CFTR: variants seen among roughly 807,000 people sequenced by gnomAD.
The protein encoded by CFTR is cystic fibrosis transmembrane conductance regulator.
In CFTR, 181 loss-of-function variants were observed where a neutral mutation model predicts 171.6. The ratio of observed to expected loss-of-function variants is 1.05; its 90% confidence interval spans 0.93 to 1.19. The LOEUF (loss-of-function observed/expected upper bound fraction) is 1.19, where lower values mean the gene tolerates loss of function less well. Among genes scored for constraint, CFTR ranks in the 50% most tolerant of loss-of-function variants. The pLI, the probability that CFTR is intolerant of heterozygous loss-of-function variation, is 0.00. For missense variants in CFTR, 1,968 were observed against 1,734.7 expected, an observed-to-expected ratio of 1.13 and a Z score of -2.39; for synonymous variants, 583 against 608.0, an observed-to-expected ratio of 0.96 and a Z score of 0.60.
intron 4 of CFTR, among the ~76,000 whole-genome samples, chr7:117,533,887 T>C (rs1798903467): frequency 6.6e-6 from 1 of 152,192 alleles, no homozygotes; most frequent in South Asian, 2.1e-4. Flanking sequence ...AAAGAGTTAG[T>C]ATAGGACTAC....
At chr7:117,614,476 T>C in intron 20 of CFTR, 137 bp from the exon 21 acceptor site, 1 of 691,510 alleles carries the variant, frequency 1.4e-6, no homozygotes. Flanking sequence ...TGAACTGAGA[T>C]TTAAAAATTG....
At position 117,480,061 on chromosome 7, in the gene CFTR, C is replaced by A. The variant is rs756314710; in HGVS notation, c.-34C>A. ...TTGGCATTAGGAGCTTGAGCCCAGACGGCCCTAGCAGGGACCCCAGCGCCC... is the reference window on the plus strand; with the variant it reads ...TTGGCATTAGGAGCTTGAGCCCAGAAGGCCCTAGCAGGGACCCCAGCGCCC... On this transcript the variant is annotated 5_prime_UTR_variant, in exon 1 of 27. Transcript: ENST00000003084. 8.7e-6 allele frequency: 14 copies of A among 1,606,156 alleles called. No individual in the cohort carries two copies. The highest frequency in any genetic ancestry group is 1.0e-5 in the Non-Finnish European group (12 of 1,172,934).
intron 12 of CFTR, 35 bp downstream of exon 12, chr7:117,587,868 C>T: frequency 8.2e-7 from 1 of 1,215,094 alleles, no homozygotes; most frequent in Non-Finnish European, 1.2e-6. Flanking sequence ...CAAGCATTTG[C>T]TGTAAATGTC....
At chr7:117,563,646 A>G (rs1247274482) in intron 11 of CFTR, among the ~76,000 whole-genome samples, 2 of 152,204 alleles carry the variant, frequency 1.3e-5, no homozygotes, top group Admixed American at 1.3e-4. Context: ...GAATTGAGAC[A>G]TCTGATCAAG....
chr7:117,520,624 A>G (rs1044354909), intron 3 of CFTR, among the ~76,000 whole-genome samples: 8 of 151,924 alleles, frequency 5.3e-5, no homozygotes, highest in Non-Finnish European at 4.4e-5. Context: ...GACTTTTGAG[A>G]TAAATCAGTC....
At chr7:117,597,555 A>G (rs1055349907) in intron 15 of CFTR, among the ~76,000 whole-genome samples, 4 of 152,252 alleles carry the variant, frequency 2.6e-5, no homozygotes, top group Non-Finnish European at 5.9e-5. Context: ...ACCACCAATA[A>G]GCAAAATTGT....
intron 9 of CFTR, among the ~76,000 whole-genome samples, chr7:117,546,267 C>T (rs1359360761): frequency 6.6e-6 from 1 of 152,004 alleles, no homozygotes; most frequent in Non-Finnish European, 1.5e-5. Context: ...GCTGGGATTA[C>T]AGGTGTGAGC....
intron 4 of CFTR, among the ~76,000 whole-genome samples, chr7:117,531,881 CCTT>C (rs541137751): frequency 7.2e-5 from 11 of 152,140 alleles, no homozygotes; most frequent in Non-Finnish European, 1.3e-4. Flanking sequence ...ATTGCTTTAC[CCTT>C]CTTCTCTCTT....
chr7:117,660,540 G>T (rs997726448), intron 24 of CFTR, among the ~76,000 whole-genome samples: 1 of 152,026 alleles, frequency 6.6e-6, no homozygotes, highest in South Asian at 2.1e-4. Context: ...TGAGGCAGGA[G>T]AATTGTTTGA....
In CFTR at chr7:117,594,779, C is replaced by T. The variant is rs574222172; in HGVS notation, c.2491-151C>T. On this transcript the variant is annotated intron_variant, in intron 14 of 26. Coordinates refer to ENST00000003084, the MANE Select transcript of CFTR (RefSeq NM_000492.4). Reference sequence around the variant, plus strand: ...CATTATTCTGGCTATAGAATGACATCATACATGGCATTTATAATGATTTAT... The same window carrying T: ...CATTATTCTGGCTATAGAATGACATTATACATGGCATTTATAATGATTTAT... The T allele has an allele frequency of 1.6e-4, 108 of 678,798 alleles. 2 individuals carry two copies. In the South Asian group the frequency reaches 1.7e-3, roughly 11 times the overall value. The allele number at this position is 678,798 out of a possible 1,614,324, so 42.0% of individuals were successfully genotyped here.
At chr7:117,639,773 T>C (rs1792881956) in intron 22 of CFTR, among the ~76,000 whole-genome samples, 2 of 152,316 alleles carry the variant, frequency 1.3e-5, no homozygotes, top group East Asian at 3.9e-4. Context: ...ATTCAGTGGG[T>C]ATAAGCAGCA....
chr7:117,631,752 G>A (rs564303389), intron 22 of CFTR, among the ~76,000 whole-genome samples: 13 of 152,228 alleles, frequency 8.5e-5, no homozygotes, highest in African/African-American at 2.9e-4. Flanking sequence ...TAATAAACTG[G>A]TAACCTAGTA....
intron 24 of CFTR, among the ~76,000 whole-genome samples, chr7:117,654,965 T>A (rs1319855662): frequency 6.6e-6 from 1 of 152,196 alleles, no homozygotes. Context: ...GGAGTCATTC[T>A]TCCATTGTCT....
At chr7:117,547,927 C>T (rs35784120) in intron 9 of CFTR, among the ~76,000 whole-genome samples, 100 of 152,284 alleles carry the variant, frequency 6.6e-4, no homozygotes, top group African/African-American at 2.3e-3. Flanking sequence ...CAAGGTGCAT[C>T]TGCTTCCTCC....
chr7:117,635,135 G>A (rs990410423), intron 22 of CFTR, among the ~76,000 whole-genome samples: 2 of 152,002 alleles, frequency 1.3e-5, no homozygotes, highest in Non-Finnish European at 2.9e-5. Flanking sequence ...ATGCTTTGTT[G>A]CTAGAAACAT....
At position 117,606,733 on chromosome 7, in the gene CFTR, A is replaced by G. The variant is rs1333822890; in HGVS notation, c.2968A>G (p.Thr990Ala). 1 of 1,578,656 alleles carries G rather than the reference A, an allele frequency of 6.3e-7. No homozygotes were observed. Among genetic ancestry groups the G allele is most frequent in the East Asian group, 2.2e-5 (1 of 44,620 alleles). The change falls in exon 18 of 27, where the codon ACC (threonine) becomes GCC (alanine). Residue 990 changes from threonine to alanine, a missense_variant. Coordinates refer to ENST00000003084, the MANE Select transcript of CFTR (RefSeq NM_000492.4). ...AATTTTGGATGACCTTCTGCCTCTT[A>G]CCATATTTGACTTCATCCAGGTATG... ...IAILDDLLPL[T>A]IFDFIQLLLI...
chr7:117,544,223 G>C (rs546851780), intron 9 of CFTR, among the ~76,000 whole-genome samples: 236 of 152,318 alleles, frequency 1.5e-3, no homozygotes, highest in South Asian at 0.012. Flanking sequence ...GGAGAAGGAA[G>C]TGCTATCTGG....
chr7:117,649,519 A>ATTT (rs35134989), intron 23 of CFTR, among the ~76,000 whole-genome samples: 4 of 103,660 alleles, frequency 3.9e-5, no homozygotes, highest in African/African-American at 7.1e-5. Flanking sequence ...ATATATATAT[A>ATTT]TTTTTTTTTT....
At chr7:117,602,118 T>A (rs1031881850) in intron 15 of CFTR, among the ~76,000 whole-genome samples, 1 of 152,204 alleles carries the variant, frequency 6.6e-6, no homozygotes, top group South Asian at 2.1e-4. Flanking sequence ...CTGCAACCTC[T>A]ACCTTCTGTG....
Sources: gnomAD v4.1 joint callset for allele counts (sites outside exome capture counted in the v4.1 genomes callset) on GRCh38, gnomAD v4.1.1 for gene constraint, MANE v1.5 for transcripts, NCBI Gene and HGNC (gene_info 2026-07-23, HGNC 2026-07-21) for gene names.